The following SUPT3H variants were observed in gnomAD, a reference collection of about 807,000 sequenced individuals.
The protein encoded by SUPT3H is transcription initiation protein SPT3 homolog.
In SUPT3H, 44 loss-of-function variants were observed where a neutral mutation model predicts 44.3. That is an observed-to-expected ratio of 0.99 (90% CI 0.78 to 1.28). The LOEUF is 1.28. Among genes scored for constraint, SUPT3H ranks in the 50% most tolerant of loss-of-function variants. The pLI is 0.00. For missense variants in SUPT3H, 380 were observed against 387.1 expected (o/e 0.98, Z 0.15); for synonymous variants, 124 against 125.6 (o/e 0.99, Z 0.09).
At chr6:45,371,138 G>A (rs1795996639) in intron 1 of SUPT3H, among the ~76,000 whole-genome samples, 1 of 152,150 alleles carries the variant, frequency 6.6e-6, no homozygotes. Flanking sequence ...TAAGAGGTAA[G>A]TGTATTTGAC....
intron 2 of SUPT3H, among the ~76,000 whole-genome samples, chr6:45,226,060 T>C (rs981233457): frequency 3.3e-5 from 5 of 152,190 alleles, no homozygotes; most frequent in East Asian, 1.9e-4. Context: ...GAATAAGTCA[T>C]ACATTATATT....
chr6:44,892,914 T>C (rs1388080484), intron 10 of SUPT3H, among the ~76,000 whole-genome samples: 1 of 152,190 alleles, frequency 6.6e-6, no homozygotes, highest in Admixed American at 6.6e-5. Flanking sequence ...GAAATTCAGC[T>C]GAATTTTTCT....
intron 2 of SUPT3H, among the ~76,000 whole-genome samples, chr6:45,278,579 G>A (rs778779297): frequency 3.9e-5 from 6 of 152,128 alleles, no homozygotes; most frequent in Non-Finnish European, 7.3e-5. Context: ...GACAACTAGC[G>A]AACTAGCTTC....
chr6:44,903,292 A>C (rs1017279969), intron 10 of SUPT3H, among the ~76,000 whole-genome samples: 5 of 152,202 alleles, frequency 3.3e-5, no homozygotes, highest in Non-Finnish European at 7.3e-5. Flanking sequence ...AGCAAGACTA[A>C]TAAAGAAGAA....
intron 2 of SUPT3H, among the ~76,000 whole-genome samples, chr6:45,185,134 T>TC (rs974797642): frequency 6.6e-5 from 10 of 152,142 alleles, no homozygotes; most frequent in Non-Finnish European, 1.0e-4. Context: ...ATCGCATTCC[T>TC]CCAACTGATT....
At chr6:45,043,134 T>TACAC (rs773611251) in intron 3 of SUPT3H, among the ~76,000 whole-genome samples, 64 of 50,554 alleles carry the variant, frequency 1.3e-3, no homozygotes, top group African/African-American at 4.8e-3. Context: ...GTATCTTACA[T>TACAC]ACACACATAC....
chr6:45,068,913 A>G (rs568541041), intron 3 of SUPT3H, among the ~76,000 whole-genome samples: 13 of 151,956 alleles, frequency 8.6e-5, no homozygotes, highest in Non-Finnish European at 1.9e-4. Context: ...TTATCCCTTG[A>G]TTATAAAACC....
chr6:45,372,724 T>C (rs1468597318), intron 1 of SUPT3H, among the ~76,000 whole-genome samples: 2 of 152,074 alleles, frequency 1.3e-5, no homozygotes, highest in African/African-American at 4.8e-5. Context: ...AGTGGCACAA[T>C]CTCAGCTCAG....
downstream of SUPT3H, among the ~76,000 whole-genome samples, chr6:44,826,376 T>A (rs1767754647): frequency 6.6e-6 from 1 of 152,202 alleles, no homozygotes; most frequent in African/African-American, 2.4e-5. Context: ...AATAAGAAAC[T>A]GTGTTGCTGG....
chr6:45,235,176 T>C (rs1455781554), intron 2 of SUPT3H, among the ~76,000 whole-genome samples: 1 of 152,190 alleles, frequency 6.6e-6, no homozygotes, highest in Non-Finnish European at 1.5e-5. Flanking sequence ...GGAAATGATA[T>C]ATATGTTTCC....
chr6:44,880,426 T>C (rs1036383991), intron 10 of SUPT3H, among the ~76,000 whole-genome samples: 1 of 152,052 alleles, frequency 6.6e-6, no homozygotes, highest in African/African-American at 2.4e-5. Flanking sequence ...TATGGGACTA[T>C]GTGAAAAGAC....
intron 2 of SUPT3H, among the ~76,000 whole-genome samples, chr6:45,146,316 A>C (rs1806064199): frequency 6.6e-6 from 1 of 152,106 alleles, no homozygotes; most frequent in African/African-American, 2.4e-5. Context: ...GTATATACTA[A>C]ATGGAATATA....
Position 45,070,255 on chromosome 6 carries a change from TATTG to T in SUPT3H, c.186+35663_186+35666del, listed in dbSNP as rs1794165515. On this transcript the variant is annotated intron_variant, in intron 3 of 10. Coordinates refer to ENST00000371459, the MANE Select transcript of SUPT3H (RefSeq NM_003599.4). ...CATTTTATCGAAAAAATATTCACTA[TATTG>T]ATTGAAGTTATAACACATTGAAATT... Among the ~76,000 whole-genome samples, 2 of 152,192 alleles carry T rather than the reference TATTG, an allele frequency of 1.3e-5. 1 individual carries two copies. The highest frequency in any genetic ancestry group is 4.1e-4 in the South Asian group (2 of 4,830).
rs1214334697 is a variant in SUPT3H at position 44,827,553 on chromosome 6, C to G, written c.*2263G>C. 6.6e-6 allele frequency among the ~76,000 whole-genome samples: 1 copy of G among 152,018 alleles called. No homozygotes were observed. The highest frequency in any genetic ancestry group is 1.9e-4 in the East Asian group (1 of 5,190). Reference sequence around the variant, plus strand: ...CAGCTGTTCTTAATGATCTCTAAGACTATCTTCTGCTCTAACATTATGATT... The same window carrying G: ...CAGCTGTTCTTAATGATCTCTAAGAGTATCTTCTGCTCTAACATTATGATT... On this transcript the variant is annotated 3_prime_UTR_variant, in exon 11 of 11. Coordinates refer to ENST00000371459, the MANE Select transcript of SUPT3H (RefSeq NM_003599.4).
At chr6:44,823,252 A>C (rs1300511668), downstream of SUPT3H, among the ~76,000 whole-genome samples, 1 of 152,164 alleles carries the variant, frequency 6.6e-6, no homozygotes, top group East Asian at 1.9e-4. Flanking sequence ...ACATGGACAG[A>C]TGATCAGGGA....
In SUPT3H at chr6:45,344,493, G is replaced by T. The variant is rs559734349; in HGVS notation, c.101+20708C>A. On this transcript the variant is annotated intron_variant, in intron 2 of 10. Coordinates refer to ENST00000371459, the MANE Select transcript of SUPT3H (RefSeq NM_003599.4). ...TGCCTTAGATTCTAAATATCCAGTGGAGAGCCCATATATGTACATTTTCCT... is the reference window on the plus strand; with the variant it reads ...TGCCTTAGATTCTAAATATCCAGTGTAGAGCCCATATATGTACATTTTCCT... Among the ~76,000 whole-genome samples, 468 of 151,908 alleles carry T rather than the reference G, an allele frequency of 3.1e-3. 2 individuals are homozygous for T. Among genetic ancestry groups the T allele is most frequent in the African/African-American group, 8.3e-3 (344 of 41,410 alleles).
At chr6:44,864,464 T>C (rs533779322) in intron 10 of SUPT3H, among the ~76,000 whole-genome samples, 1 of 152,206 alleles carries the variant, frequency 6.6e-6, no homozygotes, top group South Asian at 2.1e-4. Flanking sequence ...CTAGGAGAGG[T>C]TCTCCATGAG....
chr6:44,851,767 TA>T (rs1293380103), intron 10 of SUPT3H, among the ~76,000 whole-genome samples: 1 of 152,216 alleles, frequency 6.6e-6, no homozygotes, highest in Non-Finnish European at 1.5e-5. Flanking sequence ...GAGTGCCTTT[TA>T]AAATTGATTC....
intron 3 of SUPT3H, among the ~76,000 whole-genome samples, chr6:45,086,630 C>G (rs1796506353): frequency 6.6e-6 from 1 of 151,854 alleles, no homozygotes; most frequent in South Asian, 2.1e-4. Flanking sequence ...AAAACTCCCT[C>G]CAGCAATTCT....
Sources: allele counts gnomAD v4.1 joint callset (sites outside exome capture counted in the v4.1 genomes callset), GRCh38; gene constraint gnomAD v4.1.1; transcripts MANE v1.5; gene names NCBI Gene and HGNC (gene_info 2026-07-23, HGNC 2026-07-21).